Variants in CHD7 observed in about 807,000 individuals in gnomAD.
CHD7 encodes the protein ATP-dependent chromatin remodeler CHD7.
A neutral mutation model predicts 307.3 loss-of-function variants in CHD7; 24 were observed. The observed-to-expected ratio is 0.08, with a 90% CI of 0.06 to 0.11. The LOEUF (loss-of-function observed/expected upper bound fraction) is 0.11. Among genes scored for constraint, CHD7 ranks in the 10% least tolerant of loss-of-function variants. CHD7 has a pLI of 1.00. For missense variants in CHD7, 3,106 were observed against 3,727.1 expected (o/e 0.83, Z 4.34); for synonymous variants, 1,363 against 1,349.9 (o/e 1.01, Z -0.21).
In CHD7 at chr8:60,808,241, A is replaced by G; in HGVS notation, c.2467A>G (p.Ile823Val). ...KQKESGEEVE[I>V]EEFYVKYKNF... ...GAAGGAATCTGGAGAGGAGGTAGAA[A>G]TTGAGGAATTCTATGTGAAATACAA... Residue 823 changes from isoleucine (I) to valine (V), a missense_variant, in exon 7 of 38, where the codon ATT becomes GTT. Physicochemically the swap from Ile to Val is conservative, Grantham distance 29 (BLOSUM62 3). Coordinates refer to ENST00000423902, the MANE Select transcript of CHD7 (RefSeq NM_017780.4). The G allele has an allele frequency of 6.3e-7, 1 of 1,597,172 alleles. No individual in the cohort carries two copies. The highest frequency in any genetic ancestry group is 1.7e-5 in the Admixed American group (1 of 59,100).
intron 7 of CHD7, among the ~76,000 whole-genome samples, chr8:60,811,269 C>T (rs1013732050): frequency 5.9e-5 from 9 of 152,170 alleles, no homozygotes; most frequent in Non-Finnish European, 1.2e-4. Context: ...TAATATGTTA[C>T]AAAAGTCAGA....
At chr8:60,753,724 A>G (rs1423672996) in intron 2 of CHD7, among the ~76,000 whole-genome samples, 1 of 151,594 alleles carries the variant, frequency 6.6e-6, no homozygotes, top group East Asian at 2.0e-4. Flanking sequence ...TCCTGGGCTC[A>G]AGTGATCCTC....
intron 4 of CHD7, among the ~76,000 whole-genome samples, chr8:60,796,094 T>C (rs1812019082): frequency 6.6e-6 from 1 of 152,166 alleles, no homozygotes; most frequent in Admixed American, 6.5e-5. Flanking sequence ...TTTGTTAGAG[T>C]AGAACTCCCT....
chr8:60,860,642 C>T (rs1238276262), intron 34 of CHD7, among the ~76,000 whole-genome samples: 1 of 152,138 alleles, frequency 6.6e-6, no homozygotes, highest in African/African-American at 2.4e-5. Flanking sequence ...ACCATGTTGG[C>T]CAGGCTGGTC....
In CHD7 at chr8:60,837,747, G is replaced by A; in HGVS notation, c.4265G>A (p.Arg1422Lys). 2 of 1,612,052 alleles carry A rather than the reference G, an allele frequency of 1.2e-6. No individual in the cohort carries two copies. The highest frequency in any genetic ancestry group is 1.7e-6 in the Non-Finnish European group (2 of 1,178,946). Residue 1422 changes from arginine to lysine, a missense_variant, in exon 18 of 38, where the codon AGG becomes AAG. Coordinates refer to ENST00000423902, the MANE Select transcript of CHD7 (RefSeq NM_017780.4). ...CTGATTACAAGAAATTCCTATGAAA[G>A]GGAAATGTTCGACAAGGCTAGTTTG... ...YRLITRNSYE[R>K]EMFDKASLKL...
At chr8:60,690,171 G>T (rs745557172) in intron 1 of CHD7, among the ~76,000 whole-genome samples, 6 of 138,528 alleles carry the variant, frequency 4.3e-5, no homozygotes, top group Non-Finnish European at 8.8e-5. Flanking sequence ...TTACAGAGTG[G>T]GTGGATGTTC....
At chr8:60,718,785 CCACT>C (rs140849935) in intron 1 of CHD7, among the ~76,000 whole-genome samples, 14,679 of 152,080 alleles carry the variant, frequency 0.097, 1,503 homozygotes, top group African/African-American at 0.26. Flanking sequence ...TATTCATTCA[CCACT>C]CACTCACTCA....
chr8:60,753,507 G>A (rs184051869), intron 2 of CHD7, among the ~76,000 whole-genome samples: 1 of 152,184 alleles, frequency 6.6e-6, no homozygotes, highest in African/African-American at 2.4e-5. Context: ...CATAAATAAG[G>A]TCTCTAAGCT....
intron 15 of CHD7, among the ~76,000 whole-genome samples, chr8:60,832,726 T>C (rs1333758713): frequency 6.6e-6 from 1 of 152,220 alleles, no homozygotes; most frequent in South Asian, 2.1e-4. Context: ...CCCTGTTTGG[T>C]CATATGTTAA....
intron 2 of CHD7, among the ~76,000 whole-genome samples, chr8:60,752,731 A>C (rs974484053): frequency 9.9e-5 from 15 of 152,240 alleles, no homozygotes; most frequent in Non-Finnish European, 8.8e-5. Flanking sequence ...TTAAAAAACA[A>C]TAATAGAAAA....
intron 1 of CHD7, among the ~76,000 whole-genome samples, chr8:60,713,496 A>G (rs1471253938): frequency 2.0e-5 from 3 of 152,140 alleles, no homozygotes; most frequent in Admixed American, 6.6e-5. Flanking sequence ...ATAGAGGGTG[A>G]TAGGCAATTG....
At chr8:60,694,337 G>C (rs1373046637) in intron 1 of CHD7, among the ~76,000 whole-genome samples, 2 of 152,232 alleles carry the variant, frequency 1.3e-5, no homozygotes, top group African/African-American at 2.4e-5. Flanking sequence ...TTATGGCTTT[G>C]CTAAGCTCTG....
Position 60,852,691 on chromosome 8 carries a change from G to A in CHD7, c.6088G>A (p.Val2030Ile), listed in dbSNP as rs143796440. The change falls in exon 30 of 38, where the codon GTC becomes ATC. Residue 2030 changes from valine to isoleucine, a missense_variant. Physicochemically the swap from Val to Ile is conservative, Grantham distance 29. This residue lies in a region of CHD7 where 1,030 missense variants were observed against 1,165.4 expected (regional missense o/e 0.88). Coordinates refer to ENST00000423902, the MANE Select transcript of CHD7 (RefSeq NM_017780.4). ...GTGTAGGCGAGTATGTCGAATGCCC[G>A]TCAAGCCAGATGATGGTAGGTACAT... ...AMCRRVCRMP[V>I]KPDDEPPDLS... The A allele has an allele frequency of 3.6e-5, 58 of 1,613,836 alleles. No individual in the cohort carries two copies. Among genetic ancestry groups the A allele is most frequent in the African/African-American group, 9.3e-5 (7 of 75,012 alleles).
intron 4 of CHD7, among the ~76,000 whole-genome samples, chr8:60,798,056 AGTCCAAGGTCCACAAAATTACTT>A: frequency 6.6e-6 from 1 of 152,360 alleles, no homozygotes; most frequent in Non-Finnish European, 1.5e-5. Flanking sequence ...ACAGACCAGG[AGTCCAAGGTCCACAAAATTACTT>A]GTCCAAGGTC....
chr8:60,707,025 T>C (rs574569130), intron 1 of CHD7, among the ~76,000 whole-genome samples: 1 of 152,250 alleles, frequency 6.6e-6, no homozygotes, highest in Admixed American at 6.5e-5. Flanking sequence ...TGTGTCCAAG[T>C]GTTCCCATTG....
Position 60,838,212 on chromosome 8 carries a change from C to A in CHD7, c.4490C>A (p.Thr1497Asn). Residue 1497 changes from threonine (T) to asparagine (N), a missense_variant, in exon 19 of 38, where the codon ACC becomes AAC. Thr to Asn is a moderately conservative substitution (Grantham distance 65). Around this residue, in one of 10 missense-constraint regions of CHD7, gnomAD observed 93 missense variants for 176.4 expected, o/e 0.53. Transcript: ENST00000423902. ...IDQILLRRTH[T>N]ITIESEGKGS... ...CAGATCCTCCTACGTCGAACCCACA[C>A]CATTACCATTGAGTCAGAAGGGAAA... 1 of 1,604,002 alleles carries A rather than the reference C, an allele frequency of 6.2e-7. No individual in the cohort carries two copies. Among genetic ancestry groups the A allele is most frequent in the Non-Finnish European group, 8.5e-7 (1 of 1,175,232 alleles).
intron 1 of CHD7, among the ~76,000 whole-genome samples, chr8:60,738,248 C>T (rs2150572588): frequency 6.6e-6 from 1 of 152,236 alleles, no homozygotes; most frequent in South Asian, 2.1e-4. Context: ...GACTCAATAC[C>T]AAAATACGTA....
chr8:60,710,328 C>A (rs1179376360), intron 1 of CHD7, among the ~76,000 whole-genome samples: 1 of 151,768 alleles, frequency 6.6e-6, no homozygotes, highest in African/African-American at 2.4e-5. Flanking sequence ...GAAGCACTAG[C>A]CAGCCCATAG....
intron 1 of CHD7, among the ~76,000 whole-genome samples, chr8:60,688,675 A>T (rs1222563613): frequency 1.3e-5 from 2 of 152,228 alleles, no homozygotes; most frequent in Non-Finnish European, 2.9e-5. Context: ...GAAGATGTTC[A>T]TCTCCTACCA....
Sources: gnomAD v4.1 joint callset for allele counts (sites outside exome capture counted in the v4.1 genomes callset) on GRCh38, gnomAD v4.1.1 for gene constraint, gnomAD v4.1.1 regional missense constraint, MANE v1.5 for transcripts, NCBI Gene and HGNC (gene_info 2026-07-23, HGNC 2026-07-21) for gene names.